Variants in TNIK observed in about 807,000 individuals in gnomAD.
The protein encoded by TNIK is TRAF2 and NCK interacting kinase, also known as TRAF2 and NCK-interacting protein kinase.
TNIK carries 49 observed loss-of-function variants against 191.3 expected under a neutral mutation model. The ratio of observed to expected loss-of-function variants is 0.26; its 90% CI spans 0.20 to 0.32. The LOEUF is 0.32. Ranked by LOEUF, TNIK falls within the 10% of genes least tolerant of loss-of-function variation. The pLI, the probability that TNIK is intolerant of heterozygous loss-of-function variation, is 1.00. For missense variants in TNIK, 1,155 were observed against 1,702.3 expected (o/e 0.68, Z 5.66); for synonymous variants, 594 against 600.9 (o/e 0.99, Z 0.17).
At chr3:171,164,380 G>A (rs1560203973) in intron 10 of TNIK, among the ~76,000 whole-genome samples, 1 of 152,184 alleles carries the variant, frequency 6.6e-6, no homozygotes, top group Non-Finnish European at 1.5e-5. Flanking sequence ...GAAAAAGTAT[G>A]GGTCAATAAG....
At chr3:171,256,369 A>T (rs1285030183) in intron 2 of TNIK, among the ~76,000 whole-genome samples, 1 of 152,224 alleles carries the variant, frequency 6.6e-6, no homozygotes, top group Non-Finnish European at 1.5e-5. Flanking sequence ...TAATTAGCTT[A>T]TGTGGTACAG....
intron 1 of TNIK, among the ~76,000 whole-genome samples, chr3:171,401,508 G>C (rs777160978): frequency 6.6e-6 from 1 of 152,034 alleles, no homozygotes; most frequent in South Asian, 2.1e-4. Flanking sequence ...GGAAGGAGAG[G>C]GTTCAGGGTT....
chr3:171,137,235 T>A (rs560941380), intron 15 of TNIK, among the ~76,000 whole-genome samples: 25 of 150,936 alleles, frequency 1.7e-4, no homozygotes, highest in African/African-American at 6.1e-4. Flanking sequence ...CAAAGAATTA[T>A]TTTCATAAAA....
intron 1 of TNIK, among the ~76,000 whole-genome samples, chr3:171,448,950 T>A (rs1450993768): frequency 1.3e-5 from 2 of 152,056 alleles, no homozygotes; most frequent in Non-Finnish European, 2.9e-5. Context: ...CCCCTCCCTG[T>A]GTACATATGT....
At chr3:171,130,575 AAAG>A (rs1387206316) in intron 15 of TNIK, among the ~76,000 whole-genome samples, 1 of 152,250 alleles carries the variant, frequency 6.6e-6, no homozygotes, top group African/African-American at 2.4e-5. Context: ...ATAAGACCAC[AAAG>A]AAGAAAAAGT....
intron 3 of TNIK, among the ~76,000 whole-genome samples, chr3:171,224,084 C>A (rs147229942): frequency 5.0e-4 from 76 of 152,228 alleles, no homozygotes; most frequent in Non-Finnish European, 9.6e-4. Context: ...AGACTGGCAC[C>A]TTTGCTGGGA....
chr3:171,339,270 A>G (rs1195984364), intron 2 of TNIK, among the ~76,000 whole-genome samples: 3 of 152,212 alleles, frequency 2.0e-5, no homozygotes, highest in Admixed American at 1.3e-4. Context: ...ATGCACTTGT[A>G]GGCTCTACTC....
chr3:171,290,968 C>T (rs977140872), intron 2 of TNIK, among the ~76,000 whole-genome samples: 9 of 152,146 alleles, frequency 5.9e-5, no homozygotes, highest in South Asian at 2.1e-4. Context: ...AAACACTCCA[C>T]CTATTTTTTT....
At chr3:171,281,387 A>C (rs1320101575) in intron 2 of TNIK, among the ~76,000 whole-genome samples, 1 of 152,222 alleles carries the variant, frequency 6.6e-6, no homozygotes, top group Non-Finnish European at 1.5e-5. Flanking sequence ...ACAGTATATA[A>C]GAACTTTGTT....
At chr3:171,365,227 A>T (rs1334363498) in intron 2 of TNIK, among the ~76,000 whole-genome samples, 1 of 109,778 alleles carries the variant, frequency 9.1e-6, no homozygotes, top group Non-Finnish European at 1.7e-5. Context: ...TACTTGCCCA[A>T]GCTGGAGTGC....
intron 1 of TNIK, among the ~76,000 whole-genome samples, chr3:171,426,878 A>AATGGCTGCCTACCTGG (rs1724706160): frequency 1.3e-5 from 2 of 152,184 alleles, no homozygotes; most frequent in African/African-American, 4.8e-5. Context: ...TCAGGTGTTG[A>AATGGCTGCCTACCTGG]ATGGCTGCCT....
rs1184829434 is a variant in TNIK at position 171,259,099 on chromosome 3, A to T, written c.124-30878T>A. On this transcript the variant is annotated intron_variant, in intron 2 of 32. Coordinates refer to ENST00000436636, the MANE Select transcript of TNIK (RefSeq NM_015028.4). ...AGTCAAGGACAGTGTGTTTTATATA[A>T]GAGAGAGAGAGAGCATGCACACGAG... 2.0e-5 allele frequency among the ~76,000 whole-genome samples: 3 copies of T among 149,628 alleles called. No individual in the cohort carries two copies. In the South Asian group the frequency reaches 6.3e-4, roughly 31 times the overall value.
chr3:171,185,401 C>T (rs887814272), intron 7 of TNIK, among the ~76,000 whole-genome samples: 1 of 152,118 alleles, frequency 6.6e-6, no homozygotes, highest in Non-Finnish European at 1.5e-5. Flanking sequence ...ATTTAAACAG[C>T]CTAGGCATTT....
intron 7 of TNIK, among the ~76,000 whole-genome samples, chr3:171,183,705 G>A (rs540000688): frequency 3.3e-5 from 5 of 152,000 alleles, no homozygotes; most frequent in African/African-American, 9.7e-5. Flanking sequence ...GGCAGATCAC[G>A]AGGTCAGGAG....
intron 2 of TNIK, among the ~76,000 whole-genome samples, chr3:171,315,588 G>A (rs184379949): frequency 1.3e-5 from 2 of 152,290 alleles, no homozygotes; most frequent in Non-Finnish European, 2.9e-5. Flanking sequence ...TTCTGGAAGT[G>A]AGGAGTCTGA....
rs1718818571 is a variant in TNIK, at chr3:171,068,910, T to C, written c.3637A>G (p.Thr1213Ala). The change falls in exon 30 of 33, where the codon ACT becomes GCT. Residue 1213 changes from threonine to alanine, a missense_variant. Around this residue, in one of 3 missense-constraint regions of TNIK, gnomAD observed 195 missense variants for 415.4 expected, o/e 0.47. Transcript: ENST00000436636. ...TCAACATCAATTACATGGAAACCAG[T>C]GTGTGAACCAAAAATAACCTTTAAT... is the stretch of plus-strand genomic sequence containing the variant. Reference protein sequence around the residue: ...QRLKVIFGSHTGFHVIDVDSG... With the variant: ...QRLKVIFGSHAGFHVIDVDSG... The C allele has an allele frequency of 1.2e-6, 2 of 1,613,720 alleles. No homozygotes were observed. Among genetic ancestry groups the C allele is most frequent in the Middle Eastern group, 1.6e-4 (1 of 6,078 alleles).
chr3:171,402,028 T>A (rs1721016086), intron 1 of TNIK, among the ~76,000 whole-genome samples: 1 of 152,178 alleles, frequency 6.6e-6, no homozygotes, highest in South Asian at 2.1e-4. Context: ...CTATGTGGGG[T>A]GTTAAACCCC....
At chr3:171,408,513 A>C (rs1397152165) in intron 1 of TNIK, among the ~76,000 whole-genome samples, 1 of 152,210 alleles carries the variant, frequency 6.6e-6, no homozygotes, top group African/African-American at 2.4e-5. Context: ...TTCTCTATGC[A>C]GGTCAGAAGA....
At chr3:171,408,726 A>G (rs536923858) in intron 1 of TNIK, among the ~76,000 whole-genome samples, 4 of 152,310 alleles carry the variant, frequency 2.6e-5, no homozygotes, top group African/African-American at 9.6e-5. Flanking sequence ...CATACAACAC[A>G]AACCACCCTC....
Sources: allele counts gnomAD v4.1 joint callset (sites outside exome capture counted in the v4.1 genomes callset), GRCh38; gene constraint gnomAD v4.1.1; regional missense constraint gnomAD v4.1.1; transcripts MANE v1.5; gene names NCBI Gene and HGNC (gene_info 2026-07-23, HGNC 2026-07-21).